CSMD1: variants seen among roughly 807,000 people sequenced by gnomAD.
CSMD1 encodes CUB and sushi domain-containing protein 1.
Under a neutral mutation model 417.5 loss-of-function variants are expected in CSMD1, and 213 were observed. The ratio of observed to expected loss-of-function variants is 0.51; its 90% CI spans 0.46 to 0.57. The LOEUF is 0.57. Ranked by LOEUF, CSMD1 falls within the 20% of genes least tolerant of loss-of-function variation. The pLI, the probability that CSMD1 is intolerant of heterozygous loss-of-function variation, is 0.00. For synonymous variants in CSMD1, 2,862 were observed against 1,736.8 expected, an observed-to-expected ratio of 1.65 and a Z score of -16.11; for missense variants, 6,923 against 4,529.7, an observed-to-expected ratio of 1.53 and a Z score of -15.17.
At chr8:3,635,400 G>C (rs893061793) in intron 7 of CSMD1, among the ~76,000 whole-genome samples, 4 of 151,780 alleles carry the variant, frequency 2.6e-5, no homozygotes, top group African/African-American at 9.7e-5. Flanking sequence ...CTTGAACCCG[G>C]TTGAACCTGG....
chr8:3,770,888 C>T (rs936784656), intron 5 of CSMD1, among the ~76,000 whole-genome samples: 3 of 152,146 alleles, frequency 2.0e-5, no homozygotes, highest in African/African-American at 7.2e-5. Context: ...AGTCTCATAG[C>T]ATTTTGCAGG....
At chr8:4,594,655 C>T (rs890617218) in intron 2 of CSMD1, among the ~76,000 whole-genome samples, 2 of 152,164 alleles carry the variant, frequency 1.3e-5, no homozygotes, top group African/African-American at 2.4e-5. Context: ...TCAAAACCTA[C>T]ATTTTACTCT....
At position 3,712,650 on chromosome 8, in the gene CSMD1, G is replaced by C. The variant is rs766268333; in HGVS notation, c.932-4159C>G. Among the ~76,000 whole-genome samples the C allele has an allele frequency of 2.6e-5, 4 of 152,084 alleles. No individual in the cohort carries two copies. The South Asian group carries it at 6.2e-4, about 24-fold the overall frequency. ...TCAGACCTGCTAAGTCACAATCTTC[G>C]GAGGTGAGCTTGGTTTAGCTTTGTT... On this transcript the variant is annotated intron_variant, in intron 6 of 69. Coordinates refer to ENST00000635120, the MANE Select transcript of CSMD1 (RefSeq NM_033225.6).
intron 1 of CSMD1, among the ~76,000 whole-genome samples, chr8:4,676,041 T>C (rs1805663272): frequency 6.6e-6 from 1 of 152,236 alleles, no homozygotes; most frequent in Non-Finnish European, 1.5e-5. Flanking sequence ...TTATTCACTT[T>C]TATCCTTTCA....
At chr8:4,534,041 A>G (rs1412988714) in intron 2 of CSMD1, among the ~76,000 whole-genome samples, 2 of 151,902 alleles carry the variant, frequency 1.3e-5, no homozygotes, top group African/African-American at 2.4e-5. Context: ...CTTCCAATTT[A>G]TAGATATTGT....
intron 1 of CSMD1, among the ~76,000 whole-genome samples, chr8:4,776,524 T>C (rs993421245): frequency 6.6e-6 from 1 of 152,156 alleles, no homozygotes; most frequent in Admixed American, 6.6e-5. Context: ...CCCATAGGAA[T>C]GGTGGCACCA....
chr8:3,677,608 G>A (rs1354530680), intron 7 of CSMD1, among the ~76,000 whole-genome samples: 1 of 152,080 alleles, frequency 6.6e-6, no homozygotes, highest in African/African-American at 2.4e-5. Flanking sequence ...GGCCCTCTGA[G>A]TTTAGAACCT....
intron 40 of CSMD1, among the ~76,000 whole-genome samples, chr8:3,146,567 T>G (rs989561449): frequency 6.6e-6 from 1 of 152,212 alleles, no homozygotes; most frequent in Non-Finnish European, 1.5e-5. Flanking sequence ...TCTACTCAGC[T>G]AAACTCAGAG....
At chr8:4,685,469 G>A (rs1206853155) in intron 1 of CSMD1, among the ~76,000 whole-genome samples, 1 of 152,094 alleles carries the variant, frequency 6.6e-6, no homozygotes, top group Non-Finnish European at 1.5e-5. Context: ...CAGCTACCCG[G>A]GAGGCTGAGG....
rs1056436430 is a variant in CSMD1 at position 4,026,538 on chromosome 8, T to C, written c.610+5367A>G. Among the ~76,000 whole-genome samples, 5 of 152,104 alleles carry C rather than the reference T, an allele frequency of 3.3e-5. No homozygotes were observed. The East Asian group carries it at 9.6e-4, about 29-fold the overall frequency. On this transcript the variant is annotated intron_variant, in intron 4 of 69. Coordinates refer to ENST00000635120, the MANE Select transcript of CSMD1 (RefSeq NM_033225.6). Reference sequence around the variant, plus strand: ...ATGTAAGCAAAAAAGCAATAAACAATGAAGGAAAATACTCTTGGCTTAGGC... The same window carrying C: ...ATGTAAGCAAAAAAGCAATAAACAACGAAGGAAAATACTCTTGGCTTAGGC...
At chr8:4,687,828 T>A (rs986775819) in intron 1 of CSMD1, among the ~76,000 whole-genome samples, 6 of 105,720 alleles carry the variant, frequency 5.7e-5, no homozygotes, top group African/African-American at 2.4e-4. Context: ...CAAACACACA[T>A]ACATACATAC....
chr8:3,175,202 A>T (rs1346121810), intron 37 of CSMD1, among the ~76,000 whole-genome samples: 2 of 152,242 alleles, frequency 1.3e-5, no homozygotes. Flanking sequence ...CAACTATACT[A>T]AAAATGTAGA....
chr8:3,132,117 A>G (rs931903705), intron 41 of CSMD1, among the ~76,000 whole-genome samples: 5 of 152,160 alleles, frequency 3.3e-5, no homozygotes, highest in Non-Finnish European at 7.3e-5. Context: ...TTCTCAGGGA[A>G]AGCCTGCTCA....
At chr8:4,670,448 T>A (rs1292648587) in intron 1 of CSMD1, among the ~76,000 whole-genome samples, 2 of 152,214 alleles carry the variant, frequency 1.3e-5, no homozygotes, top group Non-Finnish European at 2.9e-5. Flanking sequence ...AACATGTGTG[T>A]CCTGTGAGCT....
chr8:4,382,652 T>C (rs553673096), intron 3 of CSMD1, among the ~76,000 whole-genome samples: 1 of 152,342 alleles, frequency 6.6e-6, no homozygotes. Context: ...GGAAAACAAG[T>C]CTTCACATCA....
At chr8:4,867,384 T>C (rs1802478131) in intron 1 of CSMD1, among the ~76,000 whole-genome samples, 1 of 152,110 alleles carries the variant, frequency 6.6e-6, no homozygotes, top group South Asian at 2.1e-4. Flanking sequence ...CACTTAATTA[T>C]TTGAAAGGTA....
At chr8:4,184,480 G>C (rs188895331) in intron 3 of CSMD1, among the ~76,000 whole-genome samples, 2 of 152,248 alleles carry the variant, frequency 1.3e-5, no homozygotes, top group East Asian at 1.9e-4. Flanking sequence ...ACCAATGGCA[G>C]ACTGGATAAA....
At chr8:3,600,796 T>C (rs542799727) in intron 8 of CSMD1, among the ~76,000 whole-genome samples, 3 of 151,746 alleles carry the variant, frequency 2.0e-5, no homozygotes, top group South Asian at 2.1e-4. Flanking sequence ...CATGAATGTT[T>C]TGTAACATTC....
At chr8:4,370,048 G>C (rs187941608) in intron 3 of CSMD1, among the ~76,000 whole-genome samples, 1 of 151,830 alleles carries the variant, frequency 6.6e-6, no homozygotes, top group Non-Finnish European at 1.5e-5. Context: ...ATGTCAATGA[G>C]GTATGTGCTT....
Sources: allele counts gnomAD v4.1 joint callset (sites outside exome capture counted in the v4.1 genomes callset), GRCh38; gene constraint gnomAD v4.1.1; transcripts MANE v1.5; gene names NCBI Gene and HGNC (gene_info 2026-07-23, HGNC 2026-07-21).